Variants in SIPA1L1 observed in about 807,000 individuals in gnomAD.
SIPA1L1 encodes the protein signal induced proliferation associated 1 like 1.
Under a neutral mutation model 162.7 loss-of-function variants are expected in SIPA1L1, and 26 were observed. The observed-to-expected ratio is 0.16, with a 90% CI of 0.12 to 0.22. SIPA1L1 has a LOEUF of 0.22. Ranked by LOEUF, SIPA1L1 falls within the 10% of genes least tolerant of loss-of-function variation. SIPA1L1 has a pLI of 1.00. For missense variants in SIPA1L1, 1,874 were observed against 2,241.0 expected (o/e 0.84, Z 3.31); for synonymous variants, 829 against 837.4 (o/e 0.99, Z 0.17).
intron 2 of SIPA1L1, among the ~76,000 whole-genome samples, chr14:71,471,272 C>T (rs1380866889): frequency 6.6e-6 from 1 of 152,126 alleles, no homozygotes; most frequent in African/African-American, 2.4e-5. Flanking sequence ...AGTTCTAGAC[C>T]AGCCTGGCCA....
intron 4 of SIPA1L1, among the ~76,000 whole-genome samples, chr14:71,587,270 G>A (rs2034734443): frequency 1.3e-5 from 2 of 152,136 alleles, no homozygotes; most frequent in African/African-American, 2.4e-5. Flanking sequence ...TGTACTTTGG[G>A]TAGGAGCCAT....
At chr14:71,636,126 C>A (rs143585380) in intron 7 of SIPA1L1, among the ~76,000 whole-genome samples, 210 of 152,266 alleles carry the variant, frequency 1.4e-3, no homozygotes, top group Non-Finnish European at 2.5e-3. Context: ...ATTTTAACAT[C>A]TCTCCTTCAA....
intron 2 of SIPA1L1, among the ~76,000 whole-genome samples, chr14:71,489,676 T>C (rs1310737546): frequency 1.3e-5 from 2 of 149,118 alleles, no homozygotes; most frequent in Non-Finnish European, 3.0e-5. Context: ...TAAAGTACAC[T>C]AACACTAATG....
chr14:71,734,184 C>A (rs1178701646), intron 21 of SIPA1L1, among the ~76,000 whole-genome samples: 1 of 152,260 alleles, frequency 6.6e-6, no homozygotes, highest in Non-Finnish European at 1.5e-5. Flanking sequence ...CCCTGCTTGG[C>A]CACGCGCCTA....
chr14:71,653,781 G>A (rs751048120), intron 8 of SIPA1L1, among the ~76,000 whole-genome samples: 9 of 152,132 alleles, frequency 5.9e-5, no homozygotes, highest in South Asian at 4.1e-4. Context: ...TATGTATGCC[G>A]TCTCGTTTAA....
intron 4 of SIPA1L1, among the ~76,000 whole-genome samples, chr14:71,546,100 A>G (rs1443719960): frequency 1.3e-5 from 2 of 151,978 alleles, no homozygotes; most frequent in East Asian, 3.9e-4. Flanking sequence ...AAAAAGAGAG[A>G]GAGAAAAAGT....
chr14:71,475,681 A>G (rs1394930861), intron 2 of SIPA1L1, among the ~76,000 whole-genome samples: 3 of 152,342 alleles, frequency 2.0e-5, no homozygotes, highest in Non-Finnish European at 2.9e-5. Flanking sequence ...ATGTCTTCCA[A>G]TGTAACACAT....
chr14:71,545,462 G>C (rs539980671), intron 4 of SIPA1L1, among the ~76,000 whole-genome samples: 1 of 152,206 alleles, frequency 6.6e-6, no homozygotes, highest in African/African-American at 2.4e-5. Context: ...CCTCTAAGTA[G>C]TGTATTTCAA....
intron 5 of SIPA1L1, among the ~76,000 whole-genome samples, chr14:71,594,099 A>G (rs186447282): frequency 6.6e-6 from 1 of 152,200 alleles, no homozygotes; most frequent in African/African-American, 2.4e-5. Flanking sequence ...CATACAAATC[A>G]GGTTGAACAG....
At chr14:71,440,216 G>C (rs2044727170) in intron 2 of SIPA1L1, among the ~76,000 whole-genome samples, 1 of 151,926 alleles carries the variant, frequency 6.6e-6, no homozygotes, top group Non-Finnish European at 1.5e-5. Flanking sequence ...TAGTAGAGAT[G>C]GGGTTTCACC....
intron 7 of SIPA1L1, among the ~76,000 whole-genome samples, chr14:71,631,834 G>A (rs1056964183): frequency 1.6e-4 from 25 of 152,138 alleles, no homozygotes; most frequent in African/African-American, 5.5e-4. Context: ...CTCTCAATAC[G>A]GAATTTTTCC....
chr14:71,498,653 A>G (rs142215504), intron 2 of SIPA1L1, among the ~76,000 whole-genome samples: 7 of 152,160 alleles, frequency 4.6e-5, no homozygotes, highest in Non-Finnish European at 7.4e-5. Flanking sequence ...TACATATTCT[A>G]CTATTTTCAG....
intron 4 of SIPA1L1, among the ~76,000 whole-genome samples, chr14:71,535,956 C>T (rs1210842059): frequency 6.6e-6 from 1 of 152,142 alleles, no homozygotes; most frequent in Non-Finnish European, 1.5e-5. Flanking sequence ...TATCTGTCCC[C>T]TGCTACATCT....
intron 2 of SIPA1L1, among the ~76,000 whole-genome samples, chr14:71,479,668 A>G (rs955847419): frequency 7.2e-5 from 11 of 152,066 alleles, no homozygotes; most frequent in African/African-American, 2.7e-4. Context: ...TGGGCCTCCC[A>G]AAGTTAGGAG....
At chr14:71,554,646 A>G (rs949676140) in intron 4 of SIPA1L1, among the ~76,000 whole-genome samples, 13 of 152,324 alleles carry the variant, frequency 8.5e-5, no homozygotes, top group African/African-American at 3.1e-4. Context: ...AAATTACAAC[A>G]TCCTGTGATT....
At chr14:71,546,015 C>T (rs1487810163) in intron 4 of SIPA1L1, among the ~76,000 whole-genome samples, 1 of 151,772 alleles carries the variant, frequency 6.6e-6, no homozygotes, top group African/African-American at 2.4e-5. Flanking sequence ...CCCAGGAGTT[C>T]GAGGCTGCAG....
At chr14:71,727,179 C>G (rs903904732) in intron 19 of SIPA1L1, among the ~76,000 whole-genome samples, 2 of 152,026 alleles carry the variant, frequency 1.3e-5, no homozygotes, top group Admixed American at 1.3e-4. Context: ...TACAGTCTGA[C>G]AAGTGAACAG....
At chr14:71,458,161 A>G (rs1477365161) in intron 2 of SIPA1L1, among the ~76,000 whole-genome samples, 1 of 151,948 alleles carries the variant, frequency 6.6e-6, no homozygotes, top group Admixed American at 6.6e-5. Context: ...TTCTTTTGCA[A>G]GCTTCATGGT....
chr14:71,465,784 A>C (rs1208772287), intron 2 of SIPA1L1, among the ~76,000 whole-genome samples: 1 of 152,208 alleles, frequency 6.6e-6, no homozygotes, highest in East Asian at 1.9e-4. Flanking sequence ...AAGTTTCCAC[A>C]ATAGGCTGTC....
Sources: gnomAD v4.1 joint callset for allele counts (sites outside exome capture counted in the v4.1 genomes callset) on GRCh38, gnomAD v4.1.1 for gene constraint, MANE v1.5 for transcripts, NCBI Gene and HGNC (gene_info 2026-07-23, HGNC 2026-07-21) for gene names.